The following STK39 variants were observed in gnomAD, a reference collection of about 807,000 sequenced individuals.
The protein encoded by STK39 is STE20/SPS1-related proline-alanine-rich protein kinase.
STK39 carries 20 observed loss-of-function variants against 77.8 expected under a neutral mutation model. The observed-to-expected ratio is 0.26, with a 90% CI of 0.18 to 0.37. STK39 has a LOEUF of 0.37. Ranked by LOEUF, STK39 falls within the 10% of genes least tolerant of loss-of-function variation. The pLI is 1.00. For synonymous variants in STK39, 246 were observed against 234.1 expected, an observed-to-expected ratio of 1.05 and a Z score of -0.47; for missense variants, 479 against 656.5, an observed-to-expected ratio of 0.73 and a Z score of 2.95.
chr2:168,121,196 G>A (rs1574481889), intron 10 of STK39, among the ~76,000 whole-genome samples: 1 of 152,186 alleles, frequency 6.6e-6, no homozygotes, highest in East Asian at 1.9e-4. Context: ...AATAAGAACT[G>A]GAGTTCACTC....
At chr2:168,074,528 A>G (rs1325790684) in intron 12 of STK39, among the ~76,000 whole-genome samples, 1 of 152,246 alleles carries the variant, frequency 6.6e-6, no homozygotes, top group East Asian at 1.9e-4. Context: ...TTAAAAACCA[A>G]GACCAACAGA....
intron 1 of STK39, among the ~76,000 whole-genome samples, chr2:168,186,126 G>A (rs1488937174): frequency 6.6e-6 from 1 of 152,116 alleles, no homozygotes; most frequent in Non-Finnish European, 1.5e-5. Context: ...ACAGAGCCCT[G>A]GTCCAATAGG....
rs769197906 is a variant in STK39 at position 168,075,153 on chromosome 2, C to T, written c.1168G>A (p.Asp390Asn). ...GDWEWSDDEM[D>N]EKSEEGKAAF... ...GCTTTCCCTTCTTCGCTCTTCTCAT[C>T]CATCTCGTCGTCACTCCACTCCCAG... The change falls in exon 11 of 18, where the codon GAT becomes AAT. Residue 390 changes from aspartate (D) to asparagine (N), a missense_variant. Physicochemically the swap from Asp to Asn is conservative, Grantham distance 23. This residue lies in a region of STK39 where 244 missense variants were observed against 296.8 expected (regional missense o/e 0.82). Coordinates refer to ENST00000355999, the MANE Select transcript of STK39 (RefSeq NM_013233.3). 6.2e-6 allele frequency: 10 copies of T among 1,614,182 alleles called. No individual in the cohort carries two copies. Among genetic ancestry groups the T allele is most frequent in the African/African-American group, 1.3e-5 (1 of 75,036 alleles).
At chr2:168,042,203 C>T (rs1415643838) in intron 14 of STK39, among the ~76,000 whole-genome samples, 1 of 152,192 alleles carries the variant, frequency 6.6e-6, no homozygotes, top group African/African-American at 2.4e-5. Flanking sequence ...TTTTACTTCA[C>T]CTACTTTATG....
At chr2:168,073,928 T>C (rs897951079) in intron 12 of STK39, among the ~76,000 whole-genome samples, 1 of 152,118 alleles carries the variant, frequency 6.6e-6, no homozygotes, top group African/African-American at 2.4e-5. Flanking sequence ...AAAGTTTATA[T>C]TTTATGTATG....
intron 17 of STK39, 32 bp downstream of exon 17, chr2:167,964,630 T>A (rs201596028): frequency 1.3e-6 from 2 of 1,573,842 alleles, no homozygotes; most frequent in Non-Finnish European, 1.7e-6. Flanking sequence ...TGGCAAAATA[T>A]TACCTCCTTC....
At position 168,012,646 on chromosome 2, in the gene STK39, C is replaced by T. The variant is rs1457844606; in HGVS notation, c.1486G>A (p.Asp496Asn). ...LFSAGLVDGH[D>N]VVIVAANLQK... ...AAAAACAATTTACCTATAACTACAT[C>T]GTGACCATCCACCAAGCCAGCAGAG... The change falls in exon 16 of 18, where the codon GAT (aspartate) becomes AAT (asparagine). Residue 496 changes from aspartate (D) to asparagine (N), a missense_variant. Asp to Asn is a conservative substitution (Grantham distance 23, BLOSUM62 1). Around this residue, in one of 3 missense-constraint regions of STK39, gnomAD observed 244 missense variants for 296.8 expected, o/e 0.82. Transcript: ENST00000355999. The T allele has an allele frequency of 5.0e-6, 8 of 1,613,526 alleles. No homozygotes were observed. Among genetic ancestry groups the T allele is most frequent in the South Asian group, 2.2e-5 (2 of 91,050 alleles).
intron 17 of STK39, among the ~76,000 whole-genome samples, chr2:167,963,672 T>C (rs1440687411): frequency 2.0e-5 from 3 of 152,324 alleles, no homozygotes; most frequent in South Asian, 2.1e-4. Context: ...ATATATCTTT[T>C]CTGTGAAAAT....
chr2:167,955,360 C>G lies in STK39; in HGVS notation c.*136G>C. On this transcript the variant is annotated 3_prime_UTR_variant, in exon 18 of 18. Coordinates refer to ENST00000355999, the MANE Select transcript of STK39 (RefSeq NM_013233.3). ...TTTTATCCCATTTTGTTGAAGCCGG[C>G]CTCTTCACAATCTTCTGATTTTGCT... is the stretch of plus-strand genomic sequence containing the variant. 1 of 781,922 alleles carries G rather than the reference C, an allele frequency of 1.3e-6. No individual in the cohort carries two copies. Among genetic ancestry groups the G allele is most frequent in the Non-Finnish European group, 2.0e-6 (1 of 492,772 alleles). 48.4% of individuals were successfully genotyped at this position (781,922 alleles called of 1,614,324 possible).
At position 167,956,725 on chromosome 2, in the gene STK39, C is replaced by T. The variant is rs1252956020; in HGVS notation, c.1564-1155G>A. Among the ~76,000 whole-genome samples the T allele has an allele frequency of 1.9e-3, 122 of 63,544 alleles. 9 individuals are homozygous for T. Among genetic ancestry groups the T allele is most frequent in the Middle Eastern group, 6.3e-3 (1 of 160 alleles). 41.7% of individuals were successfully genotyped at this position (63,544 alleles called of 152,430 possible). ...TCTCTCTCTCTCTCTCTCTCTCTCTCTCTCCCCCCCCGCCCCCTCAGATCC... is the reference window on the plus strand; with the variant it reads ...TCTCTCTCTCTCTCTCTCTCTCTCTTTCTCCCCCCCCGCCCCCTCAGATCC... On this transcript the variant is annotated intron_variant, in intron 17 of 17. Transcript: ENST00000355999.
intron 16 of STK39, among the ~76,000 whole-genome samples, chr2:167,992,262 A>G (rs1363563842): frequency 6.6e-6 from 1 of 152,150 alleles, no homozygotes; most frequent in Non-Finnish European, 1.5e-5. Context: ...CAACTCTCCC[A>G]CTTGTCAATT....
In STK39 at chr2:168,037,997, C is replaced by T. The variant is rs145411497; in HGVS notation, c.1377-20902G>A. 4.4e-3 allele frequency among the ~76,000 whole-genome samples: 675 copies of T among 152,252 alleles called. 8 individuals carry two copies. Among genetic ancestry groups the T allele is most frequent in the Non-Finnish European group, 5.4e-3 (370 of 67,992 alleles). On this transcript the variant is annotated intron_variant, in intron 14 of 17. Transcript: ENST00000355999. The stretch of plus-strand genomic sequence containing the variant: ...GAAAAGGCAGAGAATTGAACTAAAA[C>T]TTAAACTATGTAAATGTGTTTTGTC...
chr2:168,045,085 A>C (rs1005966064), intron 14 of STK39, among the ~76,000 whole-genome samples: 30 of 152,148 alleles, frequency 2.0e-4, no homozygotes, highest in African/African-American at 7.0e-4. Context: ...ACCAAAAAAA[A>C]CCCAACATTG....
At chr2:168,230,405 T>A (rs937982993) in intron 1 of STK39, among the ~76,000 whole-genome samples, 1 of 152,024 alleles carries the variant, frequency 6.6e-6, no homozygotes, top group Non-Finnish European at 1.5e-5. Flanking sequence ...TCTTCCAGGA[T>A]GAGAAATCAG....
chr2:168,009,717 T>C (rs751085316), intron 16 of STK39, among the ~76,000 whole-genome samples: 1 of 152,194 alleles, frequency 6.6e-6, no homozygotes, highest in African/African-American at 2.4e-5. Flanking sequence ...AGTGCTACTA[T>C]ATCAAAGAGT....
intron 10 of STK39, among the ~76,000 whole-genome samples, chr2:168,122,488 G>A (rs150474764): frequency 7.3e-4 from 111 of 152,252 alleles, no homozygotes; most frequent in African/African-American, 2.6e-3. Context: ...TACCCAGGCT[G>A]GAGTACAGTG....
chr2:168,236,400 T>C (rs564513502), intron 1 of STK39, among the ~76,000 whole-genome samples: 97 of 152,326 alleles, frequency 6.4e-4, no homozygotes, highest in Middle Eastern at 3.4e-3. Flanking sequence ...ATTCTGTAGG[T>C]TGCCTGTTCA....
chr2:168,159,502 T>C (rs1394524968), intron 5 of STK39, among the ~76,000 whole-genome samples: 3 of 152,218 alleles, frequency 2.0e-5, no homozygotes, highest in Admixed American at 6.5e-5. Flanking sequence ...AGGACAGCAG[T>C]AACATCTACC....
intron 16 of STK39, among the ~76,000 whole-genome samples, chr2:167,990,075 A>C (rs1574371662): frequency 2.0e-5 from 3 of 152,248 alleles, no homozygotes; most frequent in Admixed American, 2.0e-4. Context: ...AAACTTCCTG[A>C]CTCAACAGAT....
Sources: allele counts gnomAD v4.1 joint callset (sites outside exome capture counted in the v4.1 genomes callset), GRCh38; gene constraint gnomAD v4.1.1; regional missense constraint gnomAD v4.1.1; transcripts MANE v1.5; gene names NCBI Gene and HGNC (gene_info 2026-07-23, HGNC 2026-07-21).